The following ELMO1 variants were observed in gnomAD, a reference collection of about 807,000 sequenced individuals.
ELMO1 encodes the protein engulfment and cell motility protein 1.
Under a neutral mutation model 98.9 loss-of-function variants are expected in ELMO1, and 26 were observed. That is an observed-to-expected ratio of 0.26 (90% CI 0.19 to 0.36). ELMO1 has a LOEUF of 0.36. ELMO1 is among the 10% of genes least tolerant of loss of function. ELMO1 has a pLI of 1.00. For missense variants in ELMO1, 627 were observed against 935.2 expected (o/e 0.67, Z 4.30); for synonymous variants, 346 against 346.0 (o/e 1.00, Z 0.00).
At chr7:36,977,822 G>A (rs1790688088) in intron 16 of ELMO1, among the ~76,000 whole-genome samples, 1 of 152,200 alleles carries the variant, frequency 6.6e-6, no homozygotes, top group African/African-American at 2.4e-5. Flanking sequence ...TTTGAAAGTG[G>A]ATAAATTTTC....
rs188542359 is a variant in ELMO1 at position 36,975,427 on chromosome 7, G to A, written c.1437+37872C>T. Among the ~76,000 whole-genome samples, 341 of 152,140 alleles carry A rather than the reference G, an allele frequency of 2.2e-3. 1 individual carries two copies. Among genetic ancestry groups the A allele is most frequent in the African/African-American group, 6.1e-3 (254 of 41,516 alleles). On this transcript the variant is annotated intron_variant, in intron 16 of 21. Coordinates refer to ENST00000310758, the MANE Select transcript of ELMO1 (RefSeq NM_014800.11). ...GCGGAGGTTGCAGTGAGCTGAGATC[G>A]CACCACTGCACTGCAGCCTGGGTGA...
intron 1 of ELMO1, among the ~76,000 whole-genome samples, chr7:37,420,776 T>C (rs1280853998): frequency 1.3e-5 from 2 of 152,252 alleles, no homozygotes; most frequent in Non-Finnish European, 2.9e-5. Flanking sequence ...TGGGGTCATT[T>C]ATAACAGCTT....
intron 4 of ELMO1, among the ~76,000 whole-genome samples, chr7:37,293,759 C>A (rs1477337465): frequency 5.9e-5 from 5 of 84,640 alleles, no homozygotes; most frequent in African/African-American, 4.9e-5. Flanking sequence ...GAGTGAAACT[C>A]TATATCCAAA....
intron 15 of ELMO1, among the ~76,000 whole-genome samples, chr7:37,053,285 A>AACACACACACACACACACAC (rs59573752): frequency 7.9e-5 from 11 of 138,786 alleles, no homozygotes; most frequent in Admixed American, 5.1e-4. Flanking sequence ...CATTTGTTAA[A>AACACACACACACACACACAC]ACACACACAC....
At chr7:37,125,681 A>C (rs1209964949) in intron 14 of ELMO1, among the ~76,000 whole-genome samples, 1 of 152,206 alleles carries the variant, frequency 6.6e-6, no homozygotes, top group East Asian at 1.9e-4. Context: ...AAACAGGAAC[A>C]CTTTTACACC....
chr7:37,103,129 C>G (rs1319804123), intron 14 of ELMO1, among the ~76,000 whole-genome samples: 2 of 152,182 alleles, frequency 1.3e-5, no homozygotes, highest in East Asian at 3.8e-4. Context: ...ACCTCAAACA[C>G]TTGATGGAGA....
intron 16 of ELMO1, among the ~76,000 whole-genome samples, chr7:37,005,107 C>CAAAA (rs35665315): frequency 0.023 from 884 of 38,250 alleles, 33 homozygotes; most frequent in Non-Finnish European, 0.044. Context: ...GGCTCTGTCT[C>CAAAA]AAAAAAAAAA....
chr7:37,271,619 G>C, intron 5 of ELMO1: 1 of 535,546 alleles, frequency 1.9e-6, no homozygotes, highest in Non-Finnish European at 3.3e-6. Context: ...GGTTAGACAA[G>C]CTTGCCCTTC....
At chr7:37,402,010 C>T (rs1304426790) in intron 1 of ELMO1, among the ~76,000 whole-genome samples, 1 of 152,216 alleles carries the variant, frequency 6.6e-6, no homozygotes, top group Non-Finnish European at 1.5e-5. Context: ...CAAACCTAAG[C>T]ATAAAAATAC....
chr7:37,112,405 G>A (rs1196463858), intron 14 of ELMO1, among the ~76,000 whole-genome samples: 1 of 152,134 alleles, frequency 6.6e-6, no homozygotes, highest in African/African-American at 2.4e-5. Context: ...AGCAGGAGCT[G>A]AGTCAGCAGA....
At chr7:37,064,000 G>A (rs2129216894) in intron 15 of ELMO1, among the ~76,000 whole-genome samples, 1 of 152,076 alleles carries the variant, frequency 6.6e-6, no homozygotes, top group African/African-American at 2.4e-5. Context: ...TCATCCTTGG[G>A]TCGTCTGCCG....
At chr7:37,068,924 A>C (rs1183359833) in intron 15 of ELMO1, among the ~76,000 whole-genome samples, 1 of 152,234 alleles carries the variant, frequency 6.6e-6, no homozygotes, top group African/African-American at 2.4e-5. Context: ...AATAATTATA[A>C]AACAGCAGTT....
At chr7:37,079,668 C>G (rs1797762499) in intron 15 of ELMO1, among the ~76,000 whole-genome samples, 1 of 152,136 alleles carries the variant, frequency 6.6e-6, no homozygotes, top group Non-Finnish European at 1.5e-5. Flanking sequence ...GTTCTCAGTC[C>G]TCATTTAACC....
At chr7:37,434,522 T>C (rs1167581693) in intron 1 of ELMO1, among the ~76,000 whole-genome samples, 1 of 152,256 alleles carries the variant, frequency 6.6e-6, no homozygotes, top group Non-Finnish European at 1.5e-5. Context: ...GGAGTGATTG[T>C]ACAGTCACAT....
chr7:36,979,801 G>A (rs1790891726), intron 16 of ELMO1, among the ~76,000 whole-genome samples: 1 of 152,194 alleles, frequency 6.6e-6, no homozygotes, highest in African/African-American at 2.4e-5. Context: ...TGGCCTAGAT[G>A]ACTCTAGTTA....
intron 2 of ELMO1, among the ~76,000 whole-genome samples, chr7:37,316,350 T>C (rs1453515291): frequency 6.6e-6 from 1 of 152,192 alleles, no homozygotes; most frequent in African/African-American, 2.4e-5. Context: ...CAAGCTGCAG[T>C]TTGGCTTCAT....
chr7:36,929,445 T>C (rs1429785222), intron 16 of ELMO1, among the ~76,000 whole-genome samples: 1 of 152,164 alleles, frequency 6.6e-6, no homozygotes, highest in African/African-American at 2.4e-5. Context: ...AAGACACAGG[T>C]AAATACACAT....
Position 36,870,550 on chromosome 7 carries a change from G to C in ELMO1, c.1823-75C>G. ...GATGTCAATAAAGAAACAGGACTAAGCACTGGGTCCGCTACTGTGGTTACC... is the reference window on the plus strand; with the variant it reads ...GATGTCAATAAAGAAACAGGACTAACCACTGGGTCCGCTACTGTGGTTACC... On this transcript the variant is annotated intron_variant, in intron 19 of 21. Coordinates refer to ENST00000310758, the MANE Select transcript of ELMO1 (RefSeq NM_014800.11). This position sits in a 1 kb window ranked among gnomAD's most constrained non-coding sequence, Gnocchi z 4.4. 7.1e-7 allele frequency: 1 copy of C among 1,411,216 alleles called. No homozygotes were observed. The highest frequency in any genetic ancestry group is 9.8e-7 in the Non-Finnish European group (1 of 1,015,822). 87.4% of individuals were successfully genotyped at this position (1,411,216 alleles called of 1,614,324 possible). A position where few individuals can be genotyped will look rare whatever the true frequency, so the allele number is the denominator to read the frequency against.
chr7:37,058,362 A>G (rs897519056), intron 15 of ELMO1, among the ~76,000 whole-genome samples: 1 of 152,162 alleles, frequency 6.6e-6, no homozygotes, highest in African/African-American at 2.4e-5. Flanking sequence ...TGATATTTTC[A>G]TTGTAGATTT....
Sources: allele counts gnomAD v4.1 joint callset (sites outside exome capture counted in the v4.1 genomes callset), GRCh38; gene constraint gnomAD v4.1.1; non-coding constraint Gnocchi (gnomAD v3.1); transcripts MANE v1.5; gene names NCBI Gene and HGNC (gene_info 2026-07-23, HGNC 2026-07-21).